The following PRKN variants were observed in gnomAD, a reference collection of about 807,000 sequenced individuals.
PRKN encodes the protein parkin RBR E3 ubiquitin protein ligase.
PRKN carries 56 observed loss-of-function variants against 59.5 expected under a neutral mutation model. The observed-to-expected ratio is 0.94, with a 90% CI of 0.76 to 1.18. The LOEUF (loss-of-function observed/expected upper bound fraction) is 1.18, where lower values mean the gene tolerates loss of function less well. Ranked by LOEUF, PRKN falls within the 50% of genes most tolerant of loss-of-function variation. The pLI is 0.00. For missense variants in PRKN, 657 were observed against 596.4 expected, an observed-to-expected ratio of 1.10 and a Z score of -1.06; for synonymous variants, 250 against 222.1, an observed-to-expected ratio of 1.13 and a Z score of -1.12.
At chr6:162,540,755 C>T (rs1002476280) in intron 1 of PRKN, among the ~76,000 whole-genome samples, 12 of 147,510 alleles carry the variant, frequency 8.1e-5, no homozygotes, top group Admixed American at 2.8e-4. Flanking sequence ...TGCAGTGAGC[C>T]GAGATTGCGC....
intron 9 of PRKN, among the ~76,000 whole-genome samples, chr6:161,532,160 CTCTCTCTATATATATATATAT>C (rs1344040393): frequency 1.6e-5 from 1 of 62,506 alleles, no homozygotes; most frequent in Admixed American, 1.7e-4. Context: ...CTCTCTCTCT[CTCTCTCTATATATATATATAT>C]ATATATATAT....
chr6:161,570,146 AAT>A (rs1554277877), intron 7 of PRKN, among the ~76,000 whole-genome samples: 1,885 of 76,400 alleles, frequency 0.025, 35 homozygotes, highest in Middle Eastern at 0.045. Flanking sequence ...AAAAAAAAAA[AAT>A]ATATATATAT....
chr6:162,396,206 T>C (rs1787467857), intron 2 of PRKN, among the ~76,000 whole-genome samples: 1 of 152,116 alleles, frequency 6.6e-6, no homozygotes, highest in Admixed American at 6.5e-5. Flanking sequence ...CAGCTGGGAT[T>C]GTAGGAGTTT....
chr6:161,815,446 C>T (rs577893964), intron 6 of PRKN, among the ~76,000 whole-genome samples: 5 of 152,282 alleles, frequency 3.3e-5, no homozygotes, highest in East Asian at 1.9e-4. Flanking sequence ...TGGTGGTTAA[C>T]GCAGATCCTA....
chr6:161,691,881 AT>A (rs1299679778), intron 7 of PRKN, among the ~76,000 whole-genome samples: 1 of 151,100 alleles, frequency 6.6e-6, no homozygotes, highest in African/African-American at 2.4e-5. Flanking sequence ...TGGAATACTG[AT>A]TTTGGGGTTA....
intron 7 of PRKN, among the ~76,000 whole-genome samples, chr6:161,622,703 G>C (rs1582904694): frequency 6.6e-6 from 1 of 152,190 alleles, no homozygotes; most frequent in African/African-American, 2.4e-5. Context: ...TAGGCTTCTG[G>C]GAAAGTTGAT....
intron 6 of PRKN, among the ~76,000 whole-genome samples, chr6:161,875,436 G>A (rs1794698915): frequency 6.6e-6 from 1 of 151,756 alleles, no homozygotes; most frequent in Non-Finnish European, 1.5e-5. Flanking sequence ...CACGTTATCT[G>A]CCTGCCTCGG....
chr6:162,448,894 C>T lies in PRKN; in HGVS notation c.8-5421G>A, dbSNP rs536498729. ...CTTTTCCTCTCTCTCTCTCTCCCTTCCTCTCTCTCTCTCTCTCTCATCTCA... is the reference window on the plus strand; with the variant it reads ...CTTTTCCTCTCTCTCTCTCTCCCTTTCTCTCTCTCTCTCTCTCTCATCTCA... On this transcript the variant is annotated intron_variant, in intron 1 of 11. Transcript: ENST00000366898. 5.2e-3 allele frequency among the ~76,000 whole-genome samples: 738 copies of T among 141,478 alleles called. 4 individuals are homozygous for T. Among genetic ancestry groups the T allele is most frequent in the South Asian group, 0.022 (92 of 4,204 alleles). The allele number at this position is 141,478 out of a possible 152,430, so 92.8% of individuals were successfully genotyped here. A position where few individuals can be genotyped will look rare whatever the true frequency, so the allele number is the denominator to read the frequency against.
chr6:162,613,643 A>C (rs975726070), intron 1 of PRKN, among the ~76,000 whole-genome samples: 8 of 152,280 alleles, frequency 5.3e-5, no homozygotes, highest in African/African-American at 1.9e-4. Context: ...ACAATCCTTT[A>C]GTTTTTCAAT....
Position 161,592,406 on chromosome 6 carries a change from T to C in PRKN, c.872-22990A>G, listed in dbSNP as rs1489317522. 1.3e-5 allele frequency among the ~76,000 whole-genome samples: 2 copies of C among 152,208 alleles called. No homozygotes were observed. The highest frequency in any genetic ancestry group is 4.1e-4 in the South Asian group (2 of 4,832). Reference sequence around the variant, plus strand: ...TATTCTCTTTAATATACTCTTCTGTTTATATAATGTGGGGCTAGTAGACGA... The same window carrying C: ...TATTCTCTTTAATATACTCTTCTGTCTATATAATGTGGGGCTAGTAGACGA... On this transcript the variant is annotated intron_variant, in intron 7 of 11. Coordinates refer to ENST00000366898, the MANE Select transcript of PRKN (RefSeq NM_004562.3). The surrounding 1 kb of genome is among the most constrained non-coding windows in gnomAD (Gnocchi z 4.8).
chr6:161,889,889 CTTA>C (rs1319003453), intron 6 of PRKN, among the ~76,000 whole-genome samples: 2 of 152,066 alleles, frequency 1.3e-5, no homozygotes, highest in East Asian at 1.9e-4. Context: ...TTTCAAAGCA[CTTA>C]TTATTATTTA....
At chr6:161,733,021 C>A (rs146225889) in intron 7 of PRKN, among the ~76,000 whole-genome samples, 1 of 152,156 alleles carries the variant, frequency 6.6e-6, no homozygotes, top group East Asian at 1.9e-4. Flanking sequence ...TCAGAAAATG[C>A]TGCTAACAGA....
intron 1 of PRKN, among the ~76,000 whole-genome samples, chr6:162,716,356 A>G (rs1778720176): frequency 6.6e-6 from 1 of 152,236 alleles, no homozygotes; most frequent in Non-Finnish European, 1.5e-5. Flanking sequence ...TCTCAACTTA[A>G]TAATTTAAAA....
intron 2 of PRKN, among the ~76,000 whole-genome samples, chr6:162,274,184 T>TAATTAATTA (rs1562631941): frequency 1.3e-4 from 18 of 142,884 alleles, no homozygotes; most frequent in South Asian, 8.3e-4. Flanking sequence ...TTTATTAATG[T>TAATTAATTA]ATTTATTTAT....
At chr6:162,617,203 T>A (rs1187025770) in intron 1 of PRKN, among the ~76,000 whole-genome samples, 1 of 152,248 alleles carries the variant, frequency 6.6e-6, no homozygotes, top group East Asian at 1.9e-4. Context: ...ATCTATTCTT[T>A]TAGCAGTTTA....
intron 1 of PRKN, among the ~76,000 whole-genome samples, chr6:162,512,542 A>G (rs1777672166): frequency 6.6e-6 from 1 of 152,194 alleles, no homozygotes; most frequent in Non-Finnish European, 1.5e-5. Flanking sequence ...GGGAGTCACA[A>G]TGTTCTTTGC....
At chr6:162,523,622 C>A (rs1778158604) in intron 1 of PRKN, among the ~76,000 whole-genome samples, 1 of 152,098 alleles carries the variant, frequency 6.6e-6, no homozygotes, top group African/African-American at 2.4e-5. Context: ...TGAGATCGCA[C>A]CACTGTATTC....
At chr6:161,742,593 A>T (rs1583087340) in intron 7 of PRKN, among the ~76,000 whole-genome samples, 1 of 152,200 alleles carries the variant, frequency 6.6e-6, no homozygotes, top group African/African-American at 2.4e-5. Context: ...GCTCTCCTTG[A>T]TGAAGCTCTC....
At position 162,206,593 on chromosome 6, in the gene PRKN, A is replaced by G. The variant is rs146679840; in HGVS notation, c.413-5341T>C. ...CTCATTTTTCAGTTACACCTGCCAT[A>G]TTCCCTCAGTTCAGCCCTGCGCCTA... On this transcript the variant is annotated intron_variant, in intron 3 of 11. Transcript: ENST00000366898. Among the ~76,000 whole-genome samples, 349 of 152,166 alleles carry G rather than the reference A, an allele frequency of 2.3e-3. 4 individuals carry two copies. The Middle Eastern group carries it at 0.037, about 16-fold the overall frequency.
Sources: gnomAD v4.1 joint callset for allele counts (sites outside exome capture counted in the v4.1 genomes callset) on GRCh38, gnomAD v4.1.1 for gene constraint, Gnocchi (gnomAD v3.1) non-coding constraint, MANE v1.5 for transcripts, NCBI Gene and HGNC (gene_info 2026-07-23, HGNC 2026-07-21) for gene names.